CRYBG1: variants seen among roughly 807,000 people sequenced by gnomAD.
The protein encoded by CRYBG1 is beta/gamma crystallin domain-containing protein 1.
Under a neutral mutation model 189.2 loss-of-function variants are expected in CRYBG1, and 139 were observed. The observed-to-expected ratio is 0.73, with a 90% CI of 0.64 to 0.85. The LOEUF (loss-of-function observed/expected upper bound fraction) is 0.85, where lower values mean the gene tolerates loss of function less well. Among genes scored for constraint, CRYBG1 ranks in the 40% least tolerant of loss-of-function variants. CRYBG1 has a pLI of 0.00. For synonymous variants in CRYBG1, 1,023 were observed against 1,017.1 expected, an observed-to-expected ratio of 1.01 and a Z score of -0.11; for missense variants, 2,611 against 2,675.8, an observed-to-expected ratio of 0.98 and a Z score of 0.53.
chr6:106,524,936 T>C (rs1224830402), intron 4 of CRYBG1, among the ~76,000 whole-genome samples, 197 bp from the exon 5 acceptor site: 2 of 152,224 alleles, frequency 1.3e-5, no homozygotes, highest in Non-Finnish European at 2.9e-5. Flanking sequence ...GCAAATTCAG[T>C]TAGAGGTGAA....
At chr6:106,427,923 G>GCT (rs1392568443) in intron 1 of CRYBG1, among the ~76,000 whole-genome samples, 1 of 152,130 alleles carries the variant, frequency 6.6e-6, no homozygotes, top group African/African-American at 2.4e-5. Context: ...AAGCCTTTGT[G>GCT]CTTGCTGTTC....
At chr6:106,557,527 C>A (rs1197424218) in intron 17 of CRYBG1, among the ~76,000 whole-genome samples, 2 of 152,128 alleles carry the variant, frequency 1.3e-5, no homozygotes, top group Non-Finnish European at 2.9e-5. Context: ...GTCTCCCACT[C>A]AGCCTCCAAA....
chr6:106,391,930 TGTGTG>T (rs1770513069), intron 1 of CRYBG1, among the ~76,000 whole-genome samples: 1 of 19,026 alleles, frequency 5.3e-5, no homozygotes, highest in Non-Finnish European at 1.1e-4. Context: ...GTTTAAAACG[TGTGTG>T]TGTGTGTGTG....
rs910019984 is a variant in CRYBG1 at position 106,512,366 on chromosome 6, A to G, written c.1249A>G (p.Arg417Gly). ...CATGGAGAAGAGGTCCAGCGGCCGT[A>G]GGTCGGGGAGGCGGAGGGGGTCGCA... is the stretch of plus-strand genomic sequence containing the variant. ...DDMEKRSSGR[R>G]SGRRRGSQKS... Residue 417 changes from arginine to glycine, a missense_variant, in exon 3 of 22, where the codon AGG (arginine) becomes GGG (glycine). Coordinates refer to ENST00000633556, the MANE Select transcript of CRYBG1 (RefSeq NM_001371242.2). 1 of 1,611,372 alleles carries G rather than the reference A, an allele frequency of 6.2e-7. No individual in the cohort carries two copies. The highest frequency in any genetic ancestry group is 1.7e-5 in the Admixed American group (1 of 59,848).
intron 1 of CRYBG1, among the ~76,000 whole-genome samples, chr6:106,450,800 C>A (rs912495246): frequency 1.3e-5 from 2 of 152,172 alleles, no homozygotes; most frequent in African/African-American, 4.8e-5. Flanking sequence ...TGTAGAAGAC[C>A]TTTTCCCCCA....
intron 2 of CRYBG1, among the ~76,000 whole-genome samples, chr6:106,462,920 A>G (rs1772041648): frequency 6.6e-6 from 1 of 152,208 alleles, no homozygotes; most frequent in South Asian, 2.1e-4. Flanking sequence ...TTGGGAAACC[A>G]AAGCGGGAGG....
intron 2 of CRYBG1, among the ~76,000 whole-genome samples, chr6:106,504,298 G>A (rs1019017254): frequency 2.0e-5 from 3 of 152,124 alleles, no homozygotes; most frequent in Non-Finnish European, 2.9e-5. Flanking sequence ...AAATTGGACT[G>A]TAGATCAAAA....
intron 2 of CRYBG1, among the ~76,000 whole-genome samples, chr6:106,506,744 C>T (rs1392660974): frequency 5.3e-5 from 8 of 152,178 alleles, no homozygotes; most frequent in African/African-American, 7.2e-5. Context: ...TGAGCCACTG[C>T]ACCCAGTCTA....
chr6:106,514,353 C>A (rs921749975), intron 3 of CRYBG1, among the ~76,000 whole-genome samples: 1 of 151,956 alleles, frequency 6.6e-6, no homozygotes, highest in Non-Finnish European at 1.5e-5. Flanking sequence ...ATTCTTGAAC[C>A]TAATGGTTTC....
chr6:106,366,860 G>T (rs6915217), intron 1 of CRYBG1, among the ~76,000 whole-genome samples: 1 of 152,204 alleles, frequency 6.6e-6, no homozygotes, highest in South Asian at 2.1e-4. Flanking sequence ...AATGGTAGTA[G>T]TATTAATACA....
chr6:106,435,548 A>G (rs984167584), intron 1 of CRYBG1, among the ~76,000 whole-genome samples: 22 of 152,176 alleles, frequency 1.4e-4, no homozygotes, highest in African/African-American at 5.1e-4. Flanking sequence ...TGCATCATAC[A>G]GGGTGAATTT....
At chr6:106,515,756 AATTTATTT>A (rs71726144) in intron 3 of CRYBG1, among the ~76,000 whole-genome samples, 5,910 of 141,290 alleles carry the variant, frequency 0.042, 149 homozygotes, top group Non-Finnish European at 0.052. Context: ...GCAGAGATCA[AATTTATTT>A]ATTTATTTAT....
At chr6:106,465,394 A>G (rs1191334354) in intron 2 of CRYBG1, among the ~76,000 whole-genome samples, 2 of 152,316 alleles carry the variant, frequency 1.3e-5, no homozygotes, top group East Asian at 3.9e-4. Flanking sequence ...GTATCTATAA[A>G]AGAGGGAATG....
chr6:106,430,612 C>T (rs1271143264), intron 1 of CRYBG1, among the ~76,000 whole-genome samples: 1 of 152,082 alleles, frequency 6.6e-6, no homozygotes, highest in African/African-American at 2.4e-5. Context: ...GATGCGTCAG[C>T]TAGGGTGGCT....
At chr6:106,483,378 G>GTGTGTATATA (rs1347885031) in intron 2 of CRYBG1, among the ~76,000 whole-genome samples, 1 of 113,814 alleles carries the variant, frequency 8.8e-6, no homozygotes, top group East Asian at 3.3e-4. Context: ...GTGTGTGTGT[G>GTGTGTATATA]TATATATATA....
rs1773450031 is a variant in CRYBG1 at position 106,517,333 on chromosome 6, TATATATATACAC to T, written c.1923-1796_1923-1785del. 1.2e-4 allele frequency among the ~76,000 whole-genome samples: 14 copies of T among 115,752 alleles called. 1 individual carries two copies. Among genetic ancestry groups the T allele is most frequent in the Non-Finnish European group, 1.6e-4 (9 of 56,776 alleles). The allele number at this position is 115,752 out of a possible 152,430, so 75.9% of individuals were successfully genotyped here. On this transcript the variant is annotated intron_variant, in intron 3 of 21. Transcript: ENST00000633556. ...ACACACACACATATATATATACACA[TATATATATACAC>T]ACACATATATATATACACATATATA...
At chr6:106,497,707 C>A (rs1391083552) in intron 2 of CRYBG1, among the ~76,000 whole-genome samples, 1 of 152,248 alleles carries the variant, frequency 6.6e-6, no homozygotes, top group African/African-American at 2.4e-5. Flanking sequence ...TCCCTTTTCA[C>A]CCTGCAGTTT....
intron 2 of CRYBG1, among the ~76,000 whole-genome samples, chr6:106,479,766 G>A (rs971470332): frequency 1.3e-5 from 2 of 152,080 alleles, no homozygotes; most frequent in Non-Finnish European, 2.9e-5. Context: ...TTTTTAATTA[G>A]GGTTATTTGT....
intron 2 of CRYBG1, among the ~76,000 whole-genome samples, chr6:106,508,733 T>G (rs1773181317): frequency 6.6e-6 from 1 of 152,190 alleles, no homozygotes; most frequent in Non-Finnish European, 1.5e-5. Flanking sequence ...TCCGGTGACT[T>G]TGAGCTGTTT....
Sources: gnomAD v4.1 joint callset for allele counts (sites outside exome capture counted in the v4.1 genomes callset) on GRCh38, gnomAD v4.1.1 for gene constraint, MANE v1.5 for transcripts, NCBI Gene and HGNC (gene_info 2026-07-23, HGNC 2026-07-21) for gene names.